The following PAK5 variants were observed in gnomAD, a reference collection of about 807,000 sequenced individuals.
PAK5 encodes the protein serine/threonine-protein kinase PAK 5.
A neutral mutation model predicts 65.9 loss-of-function variants in PAK5; 16 were observed. The observed-to-expected ratio is 0.24, with a 90% confidence interval of 0.16 to 0.37. The LOEUF (loss-of-function observed/expected upper bound fraction) is 0.37. Ranked by LOEUF, PAK5 falls within the 10% of genes least tolerant of loss-of-function variation. The probability of loss-of-function intolerance (pLI) is 1.00; values close to 1 mark genes in which losing one functional copy is unlikely to be tolerated. For synonymous variants in PAK5, 371 were observed against 354.9 expected (o/e 1.05, Z -0.51); for missense variants, 785 against 903.9 (o/e 0.87, Z 1.69).
chr20:9,705,901 C>T (rs2048000725), intron 2 of PAK5, among the ~76,000 whole-genome samples: 2 of 152,076 alleles, frequency 1.3e-5, no homozygotes, highest in South Asian at 4.2e-4. Flanking sequence ...GCTTGAGATG[C>T]TAATATTAGC....
At chr20:9,732,258 C>A (rs532682472) in intron 1 of PAK5, among the ~76,000 whole-genome samples, 1 of 152,256 alleles carries the variant, frequency 6.6e-6, no homozygotes, top group East Asian at 1.9e-4. Context: ...ATTAAGGCTG[C>A]CAAATTACCT....
chr20:9,775,806 TCCAATTGGCCCATTTG>T, intron 1 of PAK5, among the ~76,000 whole-genome samples: 1 of 152,298 alleles, frequency 6.6e-6, no homozygotes, highest in Middle Eastern at 3.4e-3. Flanking sequence ...GAATCTTCCT[TCCAATTGGCCCATTTG>T]TTAATTTCCC....
At chr20:9,765,472 A>C (rs2048746577) in intron 1 of PAK5, among the ~76,000 whole-genome samples, 1 of 151,718 alleles carries the variant, frequency 6.6e-6, no homozygotes, top group Non-Finnish European at 1.5e-5. Context: ...GCCAAATTCC[A>C]ATTATAAAAA....
At chr20:9,677,057 G>A (rs1226736556) in intron 2 of PAK5, among the ~76,000 whole-genome samples, 2 of 137,014 alleles carry the variant, frequency 1.5e-5, no homozygotes, top group Non-Finnish European at 3.2e-5. Flanking sequence ...GTGTGTGTGT[G>A]TGTGTGTGTG....
At chr20:9,645,733 C>G (rs1295355242) in intron 2 of PAK5, among the ~76,000 whole-genome samples, 1 of 152,122 alleles carries the variant, frequency 6.6e-6, no homozygotes, top group Non-Finnish European at 1.5e-5. Flanking sequence ...TACAGGTGCC[C>G]TCCACCATGC....
chr20:9,631,738 A>T (rs1156876704), intron 3 of PAK5, among the ~76,000 whole-genome samples: 1 of 152,220 alleles, frequency 6.6e-6, no homozygotes, highest in Non-Finnish European at 1.5e-5. Flanking sequence ...GAAGGTTCTC[A>T]ACAGGTGATG....
intron 9 of PAK5, among the ~76,000 whole-genome samples, chr20:9,542,289 G>A (rs1277614861): frequency 6.6e-6 from 1 of 152,198 alleles, no homozygotes; most frequent in Non-Finnish European, 1.5e-5. Flanking sequence ...TGTAATAGAT[G>A]CTGAATGAAT....
At position 9,577,699 on chromosome 20, in the gene PAK5, C is replaced by T. The variant is rs202188409; in HGVS notation, c.990+2446G>A. ...ACGTTTTAATTACTAACCTGCCTCC[C>T]ACCTCTTATCCTCCCACAAAACAAA... On this transcript the variant is annotated intron_variant, in intron 4 of 9. Transcript: ENST00000353224. 8.5e-5 allele frequency: 13 copies of T among 152,334 alleles called. No homozygotes were observed. The East Asian group carries it at 2.1e-3, about 25-fold the overall frequency. 9.4% of individuals were successfully genotyped at this position (152,334 alleles called of 1,614,324 possible).
At chr20:9,698,774 G>T (rs963362861) in intron 2 of PAK5, among the ~76,000 whole-genome samples, 13 of 152,182 alleles carry the variant, frequency 8.5e-5, no homozygotes, top group Non-Finnish European at 2.9e-5. Context: ...TAAGACACCT[G>T]ATTCCTACCT....
chr20:9,640,848 T>A (rs1439290038), intron 3 of PAK5, among the ~76,000 whole-genome samples: 1 of 152,144 alleles, frequency 6.6e-6, no homozygotes, highest in Non-Finnish European at 1.5e-5. Flanking sequence ...GGAGTGAAGC[T>A]GCAGATCTTC....
intron 1 of PAK5, among the ~76,000 whole-genome samples, chr20:9,725,682 T>G (rs2048268563): frequency 6.6e-6 from 1 of 152,074 alleles, no homozygotes; most frequent in Non-Finnish European, 1.5e-5. Context: ...TGACACAAAA[T>G]AGTAACAAGT....
intron 3 of PAK5, among the ~76,000 whole-genome samples, chr20:9,618,780 C>A (rs139275697): frequency 6.6e-6 from 1 of 151,552 alleles, no homozygotes; most frequent in South Asian, 2.1e-4. Context: ...TCTATAAGTA[C>A]AAGCAACTTA....
At position 9,750,497 on chromosome 20, in the gene PAK5, C is replaced by T. The variant is rs978765862; in HGVS notation, c.-161-39062G>A. ...ATTGTATAAAGCACTATGTATTTGA[C>T]GAAATACAACTACTCATTATATGGT... On this transcript the variant is annotated intron_variant, in intron 1 of 9. Transcript: ENST00000353224. Among the ~76,000 whole-genome samples the T allele has an allele frequency of 7.9e-5, 12 of 152,088 alleles. No individual in the cohort carries two copies. In the South Asian group the frequency reaches 8.3e-4, roughly 11 times the overall value.
At position 9,792,401 on chromosome 20, in the gene PAK5, A is replaced by G. The variant is rs966803243; in HGVS notation, c.-162+46361T>C. Among the ~76,000 whole-genome samples the G allele has an allele frequency of 2.6e-5, 4 of 152,164 alleles. No homozygotes were observed. In the South Asian group the frequency reaches 6.2e-4, roughly 24 times the overall value. ...AAAACACATTTTATGTCAAGAAGTC[A>G]TAATCGTTCTACAACAGAGCCAAGA... On this transcript the variant is annotated intron_variant, in intron 1 of 9. Transcript: ENST00000353224.
chr20:9,817,554 GA>G (rs1343774248), intron 1 of PAK5, among the ~76,000 whole-genome samples: 1 of 152,094 alleles, frequency 6.6e-6, no homozygotes. Context: ...ACAGATAAAT[GA>G]ACGAGATAAT....
At chr20:9,674,441 C>T (rs1391338206) in intron 2 of PAK5, among the ~76,000 whole-genome samples, 1 of 152,172 alleles carries the variant, frequency 6.6e-6, no homozygotes, top group East Asian at 1.9e-4. Flanking sequence ...TACAAGCTTT[C>T]TTATATGTTT....
intron 8 of PAK5, 124 bp downstream of exon 8, chr20:9,544,245 T>C (rs578071780): frequency 1.1e-5 from 11 of 1,038,792 alleles, no homozygotes; most frequent in African/African-American, 1.6e-5. Flanking sequence ...ATCTAGTGAG[T>C]GGGGATCAAA....
intron 2 of PAK5, among the ~76,000 whole-genome samples, chr20:9,651,373 C>T (rs2047201018): frequency 6.6e-6 from 1 of 152,158 alleles, no homozygotes; most frequent in South Asian, 2.1e-4. Flanking sequence ...CAATCAGTGG[C>T]TGAAGTGCCA....
At chr20:9,697,803 T>A (rs1027248857) in intron 2 of PAK5, among the ~76,000 whole-genome samples, 1 of 152,100 alleles carries the variant, frequency 6.6e-6, no homozygotes, top group East Asian at 1.9e-4. Context: ...CCAAGAACAG[T>A]CTTAGTTGAC....
Sources: allele counts gnomAD v4.1 joint callset (sites outside exome capture counted in the v4.1 genomes callset), GRCh38; gene constraint gnomAD v4.1.1; transcripts MANE v1.5; gene names NCBI Gene and HGNC (gene_info 2026-07-23, HGNC 2026-07-21).